LINGO1: variants seen among roughly 807,000 people sequenced by gnomAD.
The protein encoded by LINGO1 is leucine rich repeat and Ig domain containing 1.
In LINGO1, 11 loss-of-function variants were observed where a neutral mutation model predicts 37.3. The ratio of observed to expected loss-of-function variants is 0.29; its 90% CI spans 0.19 to 0.49. The LOEUF (loss-of-function observed/expected upper bound fraction) is 0.49, where lower values mean the gene tolerates loss of function less well. Ranked by LOEUF, LINGO1 falls within the 20% of genes least tolerant of loss-of-function variation. LINGO1 has a pLI of 0.99. For synonymous variants in LINGO1, 387 were observed against 403.0 expected (o/e 0.96, Z 0.48); for missense variants, 585 against 878.2 (o/e 0.67, Z 4.22).
At chr15:77,714,993 C>T (rs1037383950) in intron 2 of LINGO1, among the ~76,000 whole-genome samples, 2 of 152,224 alleles carry the variant, frequency 1.3e-5, no homozygotes, top group South Asian at 4.1e-4. Context: ...ACTCTGGAAA[C>T]CAAATACTCC....
intron 1 of LINGO1, among the ~76,000 whole-genome samples, chr15:77,621,215 A>G (rs988103982): frequency 3.9e-5 from 6 of 151,988 alleles, no homozygotes; most frequent in Admixed American, 3.9e-4. Flanking sequence ...CCACCACACC[A>G]GGCTAATGTT....
intron 1 of LINGO1, among the ~76,000 whole-genome samples, chr15:77,744,267 C>T (rs986088330): frequency 6.6e-6 from 1 of 152,232 alleles, no homozygotes; most frequent in Non-Finnish European, 1.5e-5. Context: ...GGCACAGTGG[C>T]TCATGCCTGT....
chr15:77,725,723 G>A (rs2076095734), intron 2 of LINGO1, among the ~76,000 whole-genome samples: 1 of 152,236 alleles, frequency 6.6e-6, no homozygotes, highest in African/African-American at 2.4e-5. Flanking sequence ...CCTGTGAGAG[G>A]TAGAGCCTGC....
chr15:77,646,588 G>A (rs1007636548), intron 3 of LINGO1: 6 of 344,294 alleles, frequency 1.7e-5, no homozygotes, highest in Admixed American at 3.6e-5. Context: ...ACAGACCAGG[G>A]GCCAGCCTCT....
upstream of LINGO1, among the ~76,000 whole-genome samples, chr15:77,789,800 T>A (rs1485238890): frequency 6.6e-6 from 1 of 151,848 alleles, no homozygotes; most frequent in Non-Finnish European, 1.5e-5. Flanking sequence ...CTTTGGGGTT[T>A]TTTTGAGACA....
At chr15:77,736,830 G>A (rs780882963) in intron 1 of LINGO1, among the ~76,000 whole-genome samples, 1 of 152,136 alleles carries the variant, frequency 6.6e-6, no homozygotes, top group Non-Finnish European at 1.5e-5. Flanking sequence ...GAAAACTGAG[G>A]TGCAGAGTAG....
Position 77,681,008 on chromosome 15 carries a change from C to T in LINGO1, c.-98-3834G>A, listed in dbSNP as rs138954463. ...AGGGAAAGCCCTTCCTGTTGATAAA[C>T]GCCCCTGCGACTTCTCACTTTCCCC... On this transcript the variant is annotated intron_variant, in intron 2 of 3. Coordinates refer to the LINGO1 transcript ENST00000559893. Among the ~76,000 whole-genome samples the T allele has an allele frequency of 3.0e-3, 455 of 152,256 alleles. 2 individuals are homozygous for T. The highest frequency in any genetic ancestry group is 0.01 in the African/African-American group (429 of 41,536).
At chr15:77,819,403 A>T (rs1410923398) in intron 1 of LINGO1, 1 of 150,828 alleles carries the variant, frequency 6.6e-6, no homozygotes, top group African/African-American at 2.4e-5. Context: ...CGCGGCGGCG[A>T]GCGCGGCAGG....
intron 2 of LINGO1, among the ~76,000 whole-genome samples, chr15:77,725,797 G>A (rs1019766270): frequency 1.3e-5 from 2 of 152,164 alleles, no homozygotes; most frequent in African/African-American, 4.8e-5. Flanking sequence ...TTGAACAACT[G>A]GCTTGGAAAA....
intron 1 of LINGO1, among the ~76,000 whole-genome samples, chr15:77,693,692 C>G (rs1233669958): frequency 6.6e-6 from 1 of 152,120 alleles, no homozygotes. Flanking sequence ...CGCCCAAGGA[C>G]AAGAAGACAG....
intron 2 of LINGO1, among the ~76,000 whole-genome samples, chr15:77,722,141 T>C (rs548390331): frequency 1.3e-5 from 2 of 152,294 alleles, no homozygotes; most frequent in East Asian, 3.9e-4. Context: ...GCTTATTTTT[T>C]AGTATATCTT....
At chr15:77,793,869 C>T (rs998074678) in intron 2 of LINGO1, among the ~76,000 whole-genome samples, 6 of 152,222 alleles carry the variant, frequency 3.9e-5, no homozygotes, top group African/African-American at 1.4e-4. Flanking sequence ...AGCGCTCACA[C>T]TTTTCTATAG....
Position 77,615,609 on chromosome 15 carries a change from G to C in LINGO1, c.298C>G (p.Leu100Val). The C allele has an allele frequency of 6.2e-7, 1 of 1,611,754 alleles. No homozygotes were observed. The highest frequency in any genetic ancestry group is 8.5e-7 in the Non-Finnish European group (1 of 1,178,980). ...CTCACGATGTTCTCGTTGAGCTCCA[G>C]CTCCTCCAGGTGCGGGAAGCTGGCG... Reference protein sequence around the residue: ...EFASFPHLEELELNENIVSAV... With the variant: ...EFASFPHLEEVELNENIVSAV... Residue 100 changes from leucine (L) to valine (V), a missense_variant, in exon 2 of 2, where the codon CTG becomes GTG. By Grantham distance (32) the Leu-to-Val change is conservative. Transcript: ENST00000355300.
intron 2 of LINGO1, among the ~76,000 whole-genome samples, chr15:77,726,940 C>T (rs2076108342): frequency 1.3e-5 from 2 of 152,314 alleles, no homozygotes; most frequent in South Asian, 4.1e-4. Context: ...CTTGAATAGA[C>T]ATTTCTCAAA....
intron 1 of LINGO1, among the ~76,000 whole-genome samples, chr15:77,747,830 C>T (rs117106549): frequency 0.011 from 1,740 of 152,264 alleles, 20 homozygotes; most frequent in Non-Finnish European, 0.016. Context: ...TGAAACTATC[C>T]CAGAGAGAAT....
chr15:77,619,741 T>TAAAATAAAATAAAAAA (rs1324687505), intron 1 of LINGO1, among the ~76,000 whole-genome samples: 10 of 141,946 alleles, frequency 7.0e-5, no homozygotes, highest in African/African-American at 2.6e-4. Context: ...TAAAATAAAA[T>TAAAATAAAATAAAAAA]AAAAAAGAAA....
intron 1 of LINGO1, among the ~76,000 whole-genome samples, chr15:77,816,097 G>A (rs1257268966): frequency 6.6e-6 from 1 of 152,136 alleles, no homozygotes; most frequent in African/African-American, 2.4e-5. Context: ...TCAAGGCCCC[G>A]CCAGTCCCCT....
chr15:77,635,931 G>A (rs2074388244), upstream of LINGO1, among the ~76,000 whole-genome samples: 1 of 152,256 alleles, frequency 6.6e-6, no homozygotes, highest in Admixed American at 6.5e-5. Flanking sequence ...CTGCAAAGTG[G>A]AGAAGCTGGA....
chr15:77,806,337 C>T (rs1452213761), intron 1 of LINGO1, among the ~76,000 whole-genome samples: 1 of 152,000 alleles, frequency 6.6e-6, no homozygotes, highest in Non-Finnish European at 1.5e-5. Flanking sequence ...TTTTGAAAAG[C>T]CCCACATTCT....
Sources: allele counts gnomAD v4.1 joint callset (sites outside exome capture counted in the v4.1 genomes callset), GRCh38; gene constraint gnomAD v4.1.1; transcripts MANE v1.5; gene names NCBI Gene and HGNC (gene_info 2026-07-23, HGNC 2026-07-21).